HDAC9: variants seen among roughly 807,000 people sequenced by gnomAD.
HDAC9 encodes MEF-2 interacting transcription repressor (MITR) protein.
HDAC9 carries 41 observed loss-of-function variants against 139.4 expected under a neutral mutation model. That is an observed-to-expected ratio of 0.29 (90% CI 0.23 to 0.38). The LOEUF is 0.38. HDAC9 is among the 10% of genes least tolerant of loss of function. The pLI is 1.00. For missense variants in HDAC9, 1,147 were observed against 1,297.0 expected, an observed-to-expected ratio of 0.88 and a Z score of 1.78; for synonymous variants, 517 against 476.2, an observed-to-expected ratio of 1.09 and a Z score of -1.12.
At chr7:18,181,113 T>C (rs78294726) in intron 2 of HDAC9, among the ~76,000 whole-genome samples, 5,440 of 152,328 alleles carry the variant, frequency 0.036, 127 homozygotes, top group Non-Finnish European at 0.049. Flanking sequence ...GTCCTTTTTT[T>C]TCCCTAAGAG....
rs906811167 is a variant in HDAC9 at position 18,558,968 on chromosome 7, G to C, written c.23-26313G>C. ...GAGTGGTGACATTGGGAAGTGAGGG[G>C]AACAGGTAAGGCAGGGAAATGCCTT... On this transcript the variant is annotated intron_variant, in intron 2 of 25. Coordinates refer to ENST00000686413, the MANE Select transcript of HDAC9 (RefSeq NM_178425.4). Among the ~76,000 whole-genome samples, 6 of 152,164 alleles carry C rather than the reference G, an allele frequency of 3.9e-5. No individual in the cohort carries two copies. The South Asian group carries it at 1.2e-3, about 32-fold the overall frequency.
At chr7:18,787,171 A>G (rs1418739444) in intron 16 of HDAC9, among the ~76,000 whole-genome samples, 7 of 152,044 alleles carry the variant, frequency 4.6e-5, no homozygotes, top group Admixed American at 6.5e-5. Context: ...GAGAATCTCA[A>G]TGAGAGATTC....
At chr7:18,865,401 G>A (rs139351008) in intron 21 of HDAC9, among the ~76,000 whole-genome samples, 2 of 152,310 alleles carry the variant, frequency 1.3e-5, no homozygotes, top group East Asian at 3.9e-4. Flanking sequence ...AAAGAGAGAA[G>A]GGGGCAATGT....
chr7:18,659,522 T>C (rs1275836214), intron 11 of HDAC9, among the ~76,000 whole-genome samples: 2 of 152,148 alleles, frequency 1.3e-5, no homozygotes, highest in African/African-American at 4.8e-5. Context: ...GAACAACATC[T>C]GTTTGAGTAT....
chr7:18,432,494 T>G (rs1390891665), intron 1 of HDAC9, among the ~76,000 whole-genome samples: 5 of 152,218 alleles, frequency 3.3e-5, no homozygotes, highest in African/African-American at 1.2e-4. Flanking sequence ...CTCATCACAT[T>G]CCTCATGATT....
At chr7:18,866,078 A>G (rs35692319) in intron 21 of HDAC9, among the ~76,000 whole-genome samples, 1,848 of 147,920 alleles carry the variant, frequency 0.012, 11 homozygotes, top group African/African-American at 0.018. Flanking sequence ...CAGTGTCCTC[A>G]CAGTGGCCTA....
intron 17 of HDAC9, among the ~76,000 whole-genome samples, chr7:18,813,603 T>TAA (rs1344979755): frequency 2.6e-5 from 4 of 152,152 alleles, no homozygotes; most frequent in Non-Finnish European, 5.9e-5. Context: ...TTTCTGCACA[T>TAA]CCACTGCTGA....
At chr7:18,860,461 T>G (rs1798022971) in intron 21 of HDAC9, among the ~76,000 whole-genome samples, 1 of 152,204 alleles carries the variant, frequency 6.6e-6, no homozygotes, top group South Asian at 2.1e-4. Flanking sequence ...CAGGGGCTTG[T>G]TCTGCCTCTC....
intron 24 of HDAC9, among the ~76,000 whole-genome samples, chr7:18,964,589 G>C (rs1783731275): frequency 6.6e-6 from 1 of 152,080 alleles, no homozygotes; most frequent in South Asian, 2.1e-4. Context: ...GCCCAACACT[G>C]GGCAATTTAT....
rs1206529620 is a variant in HDAC9 at position 18,772,205 on chromosome 7, G to A, written c.2214+5050G>A. Among the ~76,000 whole-genome samples, 14 of 152,094 alleles carry A rather than the reference G, an allele frequency of 9.2e-5. No homozygotes were observed. The East Asian group carries it at 1.7e-3, about 19-fold the overall frequency. On this transcript the variant is annotated intron_variant, in intron 16 of 25. Coordinates refer to ENST00000686413, the MANE Select transcript of HDAC9 (RefSeq NM_178425.4). ...CAATAAATGTGTGAGTTGTGTGTTGGGGGTGGTATGAGGACAGGTCATGGG... is the reference window on the plus strand; with the variant it reads ...CAATAAATGTGTGAGTTGTGTGTTGAGGGTGGTATGAGGACAGGTCATGGG...
At chr7:18,384,992 T>G (rs933333004) in intron 1 of HDAC9, among the ~76,000 whole-genome samples, 1 of 152,174 alleles carries the variant, frequency 6.6e-6, no homozygotes, top group South Asian at 2.1e-4. Context: ...TCTGTTTCTA[T>G]TTACCTTTTG....
chr7:18,466,161 T>A (rs1794260238), intron 1 of HDAC9, among the ~76,000 whole-genome samples: 1 of 152,204 alleles, frequency 6.6e-6, no homozygotes, highest in South Asian at 2.1e-4. Flanking sequence ...TTCTTGAGGT[T>A]ACTCACCTTC....
chr7:18,837,241 T>C (rs1796299303), intron 21 of HDAC9, among the ~76,000 whole-genome samples: 1 of 151,876 alleles, frequency 6.6e-6, no homozygotes, highest in Admixed American at 6.6e-5. Flanking sequence ...CACAATGTTG[T>C]AGAAAAAAAT....
At chr7:18,921,623 G>C (rs886255392) in intron 22 of HDAC9, among the ~76,000 whole-genome samples, 1 of 152,280 alleles carries the variant, frequency 6.6e-6, no homozygotes, top group Middle Eastern at 3.4e-3. Flanking sequence ...CTTTTACACT[G>C]TTGGTGGGAC....
At chr7:18,131,190 G>A (rs886109133) in intron 1 of HDAC9, among the ~76,000 whole-genome samples, 6 of 152,014 alleles carry the variant, frequency 3.9e-5, no homozygotes, top group Admixed American at 3.3e-4. Flanking sequence ...CATTTTAGAT[G>A]GTATGTGTAA....
At chr7:18,748,139 C>T (rs547999775) in intron 13 of HDAC9, among the ~76,000 whole-genome samples, 30 of 152,278 alleles carry the variant, frequency 2.0e-4, no homozygotes, top group Admixed American at 9.8e-4. Flanking sequence ...TAGAAATCTT[C>T]TTTAAATGAG....
At chr7:18,432,674 G>A (rs901151901) in intron 1 of HDAC9, among the ~76,000 whole-genome samples, 4 of 152,100 alleles carry the variant, frequency 2.6e-5, no homozygotes, top group Non-Finnish European at 2.9e-5. Flanking sequence ...AAGGCCGGGC[G>A]CTGTGGCTCA....
chr7:18,373,592 G>A (rs1784756315), intron 1 of HDAC9, among the ~76,000 whole-genome samples: 2 of 152,218 alleles, frequency 1.3e-5, no homozygotes, highest in South Asian at 2.1e-4. Context: ...ACTTTAATGG[G>A]ATTTCATAAT....
intron 2 of HDAC9, among the ~76,000 whole-genome samples, chr7:18,192,034 C>T (rs1381254160): frequency 1.3e-5 from 2 of 152,088 alleles, no homozygotes; most frequent in Non-Finnish European, 2.9e-5. Context: ...TGTGATTGTA[C>T]AGTATTGCTT....
Sources: gnomAD v4.1 joint callset for allele counts (sites outside exome capture counted in the v4.1 genomes callset) on GRCh38, gnomAD v4.1.1 for gene constraint, MANE v1.5 for transcripts, NCBI Gene and HGNC (gene_info 2026-07-23, HGNC 2026-07-21) for gene names.